TCOF1: variants seen among roughly 807,000 people sequenced by gnomAD.
The protein encoded by TCOF1 is treacle protein.
A neutral mutation model predicts 149.0 loss-of-function variants in TCOF1; 33 were observed. That is an observed-to-expected ratio of 0.22 (90% CI 0.17 to 0.30). The LOEUF (loss-of-function observed/expected upper bound fraction) is 0.30, where lower values mean the gene tolerates loss of function less well. Among genes scored for constraint, TCOF1 ranks in the 10% least tolerant of loss-of-function variants. The pLI is 1.00. For synonymous variants in TCOF1, 789 were observed against 738.8 expected, an observed-to-expected ratio of 1.07 and a Z score of -1.10; for missense variants, 1,728 against 1,840.7, an observed-to-expected ratio of 0.94 and a Z score of 1.12.
At position 150,364,204 on chromosome 5, in the gene TCOF1, G is replaced by A; in HGVS notation, c.256G>A (p.Glu86Lys). The change falls in exon 3 of 27, where the codon GAG (glutamate) becomes AAG (lysine). Residue 86 changes from glutamate to lysine, a missense_variant. Physicochemically the swap from Glu to Lys is moderately conservative, Grantham distance 56. Coordinates refer to ENST00000643257, the MANE Select transcript of TCOF1 (RefSeq NM_001371623.1). ...TRVSDPISTS[E>K]SSEEEEEAEA... Reference sequence around the variant, plus strand: ...TGTGTCAGACCCCATCAGCACCTCGGAGAGCTCGGAAGAGGAGGAAGAAGC... The same window carrying A: ...TGTGTCAGACCCCATCAGCACCTCGAAGAGCTCGGAAGAGGAGGAAGAAGC... The A allele has an allele frequency of 1.9e-6, 3 of 1,614,170 alleles. No homozygotes were observed. The highest frequency in any genetic ancestry group is 2.5e-6 in the Non-Finnish European group (3 of 1,180,030).
chr5:150,395,335 G>C (rs777157721), intron 23 of TCOF1, among the ~76,000 whole-genome samples: 3 of 152,198 alleles, frequency 2.0e-5, no homozygotes, highest in Non-Finnish European at 4.4e-5. Flanking sequence ...ATGCAGGAGT[G>C]TTGTGCCCAT....
At position 150,385,044 on chromosome 5, in the gene TCOF1, A is replaced by G. The variant is rs1249920480; in HGVS notation, c.2860-2858A>G. On this transcript the variant is annotated intron_variant, in intron 17 of 26. Transcript: ENST00000643257. ...CCAGAGTCTGTGCTGGGGTCAGGACAGCTTCCAGATTTAAAAACAAGTAGG... is the reference window on the plus strand; with the variant it reads ...CCAGAGTCTGTGCTGGGGTCAGGACGGCTTCCAGATTTAAAAACAAGTAGG... 5 of 985,352 alleles carry G rather than the reference A, an allele frequency of 5.1e-6. No individual in the cohort carries two copies. In the African/African-American group the frequency reaches 8.7e-5, roughly 17 times the overall value. The allele number at this position is 985,352 out of a possible 1,614,324, so 61.0% of individuals were successfully genotyped here. A position where few individuals can be genotyped will look rare whatever the true frequency, so the allele number is the denominator to read the frequency against.
In TCOF1 at chr5:150,379,355, G is replaced by C. The variant is rs779730669; in HGVS notation, c.2605G>C (p.Gly869Arg). 1 of 1,614,236 alleles carries C rather than the reference G, an allele frequency of 6.2e-7. No individual in the cohort carries two copies. The highest frequency in any genetic ancestry group is 8.5e-7 in the Non-Finnish European group (1 of 1,180,040). ...QAQTGPEEDS[G>R]SSEEESDSEE... ...CCAGACAGGGCCAGAGGAGGACTCA[G>C]GGAGCAGTGAGGAGGAGTCAGACAG... is the stretch of plus-strand genomic sequence containing the variant. Residue 869 changes from glycine (G) to arginine (R), a missense_variant, in exon 16 of 27, where the codon GGG becomes CGG. Gly to Arg is a moderately radical substitution (Grantham distance 125, BLOSUM62 -2). This residue lies in a region of TCOF1 where 1,696 missense variants were observed against 1,765.4 expected (regional missense o/e 0.96). Coordinates refer to ENST00000643257, the MANE Select transcript of TCOF1 (RefSeq NM_001371623.1).
At chr5:150,398,242 C>T (rs1490042938) in intron 24 of TCOF1, 112 bp from the exon 25 acceptor site, 7 of 1,584,898 alleles carry the variant, frequency 4.4e-6, no homozygotes, top group East Asian at 2.2e-5. Flanking sequence ...GTTGTGATGG[C>T]TTCTGGTGGT....
chr5:150,379,316 A>G lies in TCOF1; in HGVS notation c.2566A>G (p.Thr856Ala), dbSNP rs757058247. 3.1e-6 allele frequency: 5 copies of G among 1,614,226 alleles called. No individual in the cohort carries two copies. Among genetic ancestry groups the G allele is most frequent in the Non-Finnish European group, 4.2e-6 (5 of 1,180,034 alleles). ...SVPSVGKAVATAAQAQTGPEE... is the reference protein window; with the variant it reads ...SVPSVGKAVAAAAQAQTGPEE... ...GCCATCTGTGGGGAAGGCCGTGGCTACAGCAGCTCAGGCCCAGACAGGGCC... is the reference window on the plus strand; with the variant it reads ...GCCATCTGTGGGGAAGGCCGTGGCTGCAGCAGCTCAGGCCCAGACAGGGCC... Residue 856 changes from threonine (T) to alanine (A), a missense_variant, in exon 16 of 27, where the codon ACA (threonine) becomes GCA (alanine). Around this residue, in one of 2 missense-constraint regions of TCOF1, gnomAD observed 1,696 missense variants for 1,765.4 expected, o/e 0.96. Transcript: ENST00000643257.
At chr5:150,391,715 C>A (rs1767483789) in intron 20 of TCOF1, 58 bp downstream of exon 20, 1 of 1,485,492 alleles carries the variant, frequency 6.7e-7, no homozygotes, top group Non-Finnish European at 9.3e-7. Context: ...GCAGGCGTGG[C>A]CCTGCATCGC....
intron 21 of TCOF1, 34 bp downstream of exon 21, chr5:150,392,210 A>G (rs1265249844): frequency 6.2e-7 from 1 of 1,606,700 alleles, no homozygotes; most frequent in Non-Finnish European, 8.5e-7. Flanking sequence ...AGGGTGGGCC[A>G]GGAAGAGGGT....
At chr5:150,375,302 G>T (rs774303242) in intron 10 of TCOF1, 37 bp from the exon 11 acceptor site, 19 of 1,606,384 alleles carry the variant, frequency 1.2e-5, no homozygotes, top group Non-Finnish European at 1.5e-5. Context: ...TTCTCCTTCT[G>T]GACTCCCTCC....
chr5:150,381,466 T>C (rs988139158), intron 17 of TCOF1, among the ~76,000 whole-genome samples: 3 of 152,194 alleles, frequency 2.0e-5, no homozygotes, highest in Admixed American at 2.0e-4. Context: ...ATGATTGAGC[T>C]GAACCTGAAG....
chr5:150,391,739 A>G (rs1767491407), intron 20 of TCOF1, 82 bp downstream of exon 20: 3 of 1,358,538 alleles, frequency 2.2e-6, no homozygotes, highest in Non-Finnish European at 3.1e-6. Flanking sequence ...ACCAGCACTC[A>G]TCTGCCCCAT....
In TCOF1 at chr5:150,375,892, G is replaced by A. The variant is rs1763674589; in HGVS notation, c.1876G>A (p.Ala626Thr). ...TGCGGACAGTGAGGAGGCACCAGCA[G>A]CCATGACTGCAGCTCAGGTGAGGCC... ...DSADSEEAPA[A>T]MTAAQAKPAL... Residue 626 changes from alanine (A) to threonine (T), a missense_variant, in exon 12 of 27, where the codon GCC (alanine) becomes ACC (threonine). Ala to Thr is a moderately conservative substitution (Grantham distance 58). Coordinates refer to ENST00000643257, the MANE Select transcript of TCOF1 (RefSeq NM_001371623.1). 4 of 1,614,100 alleles carry A rather than the reference G, an allele frequency of 2.5e-6. No individual in the cohort carries two copies. The highest frequency in any genetic ancestry group is 3.4e-6 in the Non-Finnish European group (4 of 1,180,060).
intron 1 of TCOF1, among the ~76,000 whole-genome samples, chr5:150,360,515 A>G (rs1562273100): frequency 6.6e-6 from 1 of 152,156 alleles, no homozygotes; most frequent in Non-Finnish European, 1.5e-5. Flanking sequence ...TAAAGGTCAA[A>G]GGTGGGGAAA....
intron 3 of TCOF1, among the ~76,000 whole-genome samples, chr5:150,364,735 C>T (rs993756994): frequency 1.3e-5 from 2 of 152,214 alleles, no homozygotes; most frequent in Non-Finnish European, 2.9e-5. Flanking sequence ...AGGAGTAACT[C>T]AGTCAAAGCT....
chr5:150,372,772 G>GTTAT (rs1194259766), intron 7 of TCOF1, among the ~76,000 whole-genome samples: 1 of 152,210 alleles, frequency 6.6e-6, no homozygotes, highest in Admixed American at 6.5e-5. Context: ...GATCCCCTGC[G>GTTAT]TTAGCTGCTG....
chr5:150,373,781 G>T (rs567832687), intron 7 of TCOF1, among the ~76,000 whole-genome samples: 1 of 152,330 alleles, frequency 6.6e-6, no homozygotes, highest in African/African-American at 2.4e-5. Context: ...CCAGTCTGAT[G>T]ATGCTCCCGA....
chr5:150,378,178 C>T (rs1381815966), intron 14 of TCOF1, among the ~76,000 whole-genome samples: 1 of 152,192 alleles, frequency 6.6e-6, no homozygotes, highest in East Asian at 1.9e-4. Context: ...GGGTTGTTTT[C>T]TGACACTGAC....
At chr5:150,391,935 C>A (rs1270514722) in intron 20 of TCOF1, 22 bp from the exon 21 acceptor site, 1 of 1,613,282 alleles carries the variant, frequency 6.2e-7, no homozygotes, top group South Asian at 1.1e-5. Flanking sequence ...TCCTTCCATT[C>A]CTTCTCCTTT....
Position 150,375,424 on chromosome 5 carries a change from C to T in TCOF1, c.1574C>T (p.Pro525Leu). The change falls in exon 11 of 27, where the codon CCA (proline) becomes CTA (leucine). Residue 525 changes from proline to leucine, a missense_variant. Pro to Leu is a moderately conservative substitution (Grantham distance 98). Transcript: ENST00000643257. ...TTGGGGAAAGGCGCCGGCCCAGTGCCACCCGGGAAGGTGGGGCCTGCAACC... is the reference window on the plus strand; with the variant it reads ...TTGGGGAAAGGCGCCGGCCCAGTGCTACCCGGGAAGGTGGGGCCTGCAACC... ...GPLGKGAGPV[P>L]PGKVGPATPS... is the part of the protein sequence containing the mutation. 6.2e-7 allele frequency: 1 copy of T among 1,613,540 alleles called. No homozygotes were observed. The highest frequency in any genetic ancestry group is 8.5e-7 in the Non-Finnish European group (1 of 1,179,862).
intron 17 of TCOF1, among the ~76,000 whole-genome samples, chr5:150,383,561 TAAGA>T: frequency 6.6e-6 from 1 of 152,198 alleles, no homozygotes; most frequent in Non-Finnish European, 1.5e-5. Context: ...GTCCCCTGCC[TAAGA>T]AAGGGTGCCT....
Sources: gnomAD v4.1 joint callset for allele counts (sites outside exome capture counted in the v4.1 genomes callset) on GRCh38, gnomAD v4.1.1 for gene constraint, gnomAD v4.1.1 regional missense constraint, MANE v1.5 for transcripts, NCBI Gene and HGNC (gene_info 2026-07-23, HGNC 2026-07-21) for gene names.